Variants in HLCS observed in about 807,000 individuals in gnomAD.
HLCS encodes the protein holocarboxylase synthetase, also known as biotin--protein ligase.
A neutral mutation model predicts 75.0 loss-of-function variants in HLCS; 53 were observed. That is an observed-to-expected ratio of 0.71 (90% CI 0.57 to 0.89). The LOEUF is 0.89. Among genes scored for constraint, HLCS ranks in the 40% least tolerant of loss-of-function variants. The pLI is 0.00. For synonymous variants in HLCS, 431 were observed against 428.6 expected (o/e 1.01, Z -0.07); for missense variants, 966 against 1,074.0 (o/e 0.90, Z 1.41).
At chr21:36,832,430 G>A (rs2062245262) in intron 6 of HLCS, among the ~76,000 whole-genome samples, 1 of 152,184 alleles carries the variant, frequency 6.6e-6, no homozygotes, top group Non-Finnish European at 1.5e-5. Flanking sequence ...GTTAAGGGTT[G>A]GAAGGGAGCT....
At chr21:36,902,263 G>A (rs1376526573) in intron 5 of HLCS, among the ~76,000 whole-genome samples, 2 of 152,196 alleles carry the variant, frequency 1.3e-5, no homozygotes, top group Non-Finnish European at 2.9e-5. Context: ...AGCAGGTTTT[G>A]TTTGGTTTAG....
intron 6 of HLCS, among the ~76,000 whole-genome samples, chr21:36,837,271 T>C (rs1415642116): frequency 1.3e-5 from 2 of 152,240 alleles, no homozygotes; most frequent in Non-Finnish European, 2.9e-5. Flanking sequence ...GAAAGCTATT[T>C]ATAAAAGTTT....
At chr21:36,756,238 A>G (rs998017463) in intron 10 of HLCS, among the ~76,000 whole-genome samples, 5 of 150,552 alleles carry the variant, frequency 3.3e-5, no homozygotes, top group Non-Finnish European at 5.9e-5. Context: ...GGAGATCGAG[A>G]CCATCCTGGC....
intron 5 of HLCS, among the ~76,000 whole-genome samples, chr21:36,921,092 C>T (rs1250505072): frequency 6.6e-6 from 1 of 152,200 alleles, no homozygotes; most frequent in Admixed American, 6.5e-5. Flanking sequence ...GAGAAGAGAG[C>T]AACTTACCAA....
intron 6 of HLCS, among the ~76,000 whole-genome samples, chr21:36,841,681 T>C (rs1366954807): frequency 6.6e-6 from 1 of 152,248 alleles, no homozygotes; most frequent in East Asian, 1.9e-4. Flanking sequence ...TAATGCAACG[T>C]ACGATTCTTG....
intron 1 of HLCS, among the ~76,000 whole-genome samples, chr21:36,984,613 A>C (rs2069191899): frequency 6.6e-6 from 1 of 152,202 alleles, no homozygotes; most frequent in Admixed American, 6.5e-5. Flanking sequence ...AATAATGTGT[A>C]CACATGGACA....
In HLCS at chr21:36,936,486, G is replaced by A. The variant is rs2146523485; in HGVS notation, c.1400C>T (p.Pro467Leu). ...EDKDRMIVHV[P>L]FGTRGGEAVL... ...AGCTTCTCCCCCGCGAGTTCCAAAA[G>A]GCACATGCACAATCATCCTGTCCTT... Residue 467 changes from proline to leucine, a missense_variant, in exon 4 of 11, where the codon CCT (proline) becomes CTT (leucine). Transcript: ENST00000674895. 6.2e-7 allele frequency: 1 copy of A among 1,614,208 alleles called. No homozygotes were observed. Among genetic ancestry groups the A allele is most frequent in the Non-Finnish European group, 8.5e-7 (1 of 1,180,046 alleles).
intron 6 of HLCS, among the ~76,000 whole-genome samples, chr21:36,853,212 A>C (rs1377807927): frequency 6.6e-6 from 1 of 152,182 alleles, no homozygotes; most frequent in Non-Finnish European, 1.5e-5. Flanking sequence ...TCACTCTCCC[A>C]TATGTGCTTT....
At chr21:36,874,396 C>T (rs1315857389) in intron 6 of HLCS, among the ~76,000 whole-genome samples, 3 of 123,770 alleles carry the variant, frequency 2.4e-5, no homozygotes, top group African/African-American at 7.9e-5. Context: ...AGCGAGACTC[C>T]GTCTCAAAAA....
intron 8 of HLCS, among the ~76,000 whole-genome samples, chr21:36,762,729 G>C (rs922066089): frequency 6.6e-6 from 1 of 152,210 alleles, no homozygotes; most frequent in Non-Finnish European, 1.5e-5. Flanking sequence ...AAGAACATTG[G>C]TACAAGCTTC....
intron 6 of HLCS, among the ~76,000 whole-genome samples, chr21:36,827,817 C>CTTT (rs60457236): frequency 7.2e-6 from 1 of 138,836 alleles, no homozygotes. Flanking sequence ...TTCTTTCTTT[C>CTTT]TTTTTTTTTT....
chr21:36,869,423 T>A (rs560463139), intron 6 of HLCS, among the ~76,000 whole-genome samples: 8 of 152,300 alleles, frequency 5.3e-5, no homozygotes, highest in African/African-American at 1.9e-4. Flanking sequence ...TGAGCCACCG[T>A]GCCCAGCCCA....
intron 6 of HLCS, among the ~76,000 whole-genome samples, chr21:36,855,161 TTTTC>T (rs2146160738): frequency 6.6e-6 from 1 of 152,274 alleles, no homozygotes; most frequent in African/African-American, 2.4e-5. Context: ...ATGCATATTA[TTTTC>T]TTTAACTTTT....
chr21:36,752,268 A>G lies in HLCS; in HGVS notation c.*1978T>C, dbSNP rs1568951619. ...CCGGAACATCTCCATAGCCTTTGAC[A>G]AGGCCACACTTCATTAGTTTTAATT... On this transcript the variant is annotated 3_prime_UTR_variant, in exon 11 of 11. Coordinates refer to ENST00000674895, the MANE Select transcript of HLCS (RefSeq NM_001352514.2). The G allele has an allele frequency of 6.5e-6, 1 of 152,684 alleles. No individual in the cohort carries two copies. Among genetic ancestry groups the G allele is most frequent in the Non-Finnish European group, 1.5e-5 (1 of 68,056 alleles). 9.5% of individuals were successfully genotyped at this position (152,684 alleles called of 1,614,324 possible).
intron 6 of HLCS, among the ~76,000 whole-genome samples, chr21:36,846,622 G>A (rs1385051603): frequency 6.6e-6 from 1 of 152,206 alleles, no homozygotes; most frequent in Non-Finnish European, 1.5e-5. Context: ...GCAGCAGAAT[G>A]GGAAGAAATA....
intron 6 of HLCS, among the ~76,000 whole-genome samples, chr21:36,833,397 C>T (rs569966262): frequency 3.2e-4 from 49 of 151,264 alleles, no homozygotes; most frequent in African/African-American, 1.2e-3. Flanking sequence ...CCAGCCTGGC[C>T]AACATGGTGA....
At chr21:36,900,910 G>C (rs777751429) in intron 5 of HLCS, among the ~76,000 whole-genome samples, 1 of 152,186 alleles carries the variant, frequency 6.6e-6, no homozygotes, top group Non-Finnish European at 1.5e-5. Flanking sequence ...GAGCAGGTTT[G>C]GAGAGGAAGA....
chr21:36,788,800 TG>T (rs1169619018), intron 6 of HLCS, among the ~76,000 whole-genome samples: 2 of 152,224 alleles, frequency 1.3e-5, no homozygotes, highest in Non-Finnish European at 2.9e-5. Flanking sequence ...GACACTGAGG[TG>T]CAGTCACGTG....
rs185801768 is a variant in HLCS, at chr21:36,876,380, G to A, written c.1892+20480C>T. On this transcript the variant is annotated intron_variant, in intron 6 of 10. Coordinates refer to ENST00000674895, the MANE Select transcript of HLCS (RefSeq NM_001352514.2). ...TTTTGATTGAGCTTGTACCAAATTC[G>A]TACATCAACTTACAGCAAACTGGCA... Among the ~76,000 whole-genome samples, 9 of 152,174 alleles carry A rather than the reference G, an allele frequency of 5.9e-5. 1 individual carries two copies. The Middle Eastern group carries it at 0.01, about 173-fold the overall frequency.
Sources: allele counts gnomAD v4.1 joint callset (sites outside exome capture counted in the v4.1 genomes callset), GRCh38; gene constraint gnomAD v4.1.1; transcripts MANE v1.5; gene names NCBI Gene and HGNC (gene_info 2026-07-23, HGNC 2026-07-21).